EPC2: variants seen among roughly 807,000 people sequenced by gnomAD.
The protein encoded by EPC2 is enhancer of polycomb homolog 2.
In EPC2, 14 loss-of-function variants were observed where a neutral mutation model predicts 92.1. That is an observed-to-expected ratio of 0.15 (90% CI 0.10 to 0.24). The LOEUF is 0.24. Ranked by LOEUF, EPC2 falls within the 10% of genes least tolerant of loss-of-function variation. The pLI, the probability that EPC2 is intolerant of heterozygous loss-of-function variation, is 1.00. For missense variants in EPC2, 755 were observed against 971.5 expected (o/e 0.78, Z 2.96); for synonymous variants, 340 against 334.7 (o/e 1.02, Z -0.17).
chr2:148,717,086 C>G (rs1016159753), intron 2 of EPC2, among the ~76,000 whole-genome samples: 1 of 151,900 alleles, frequency 6.6e-6, no homozygotes, highest in African/African-American at 2.4e-5. Context: ...GGTGATATCC[C>G]CCTTATCATT....
intron 2 of EPC2, among the ~76,000 whole-genome samples, chr2:148,710,094 C>T (rs1286562077): frequency 3.3e-5 from 5 of 152,098 alleles, no homozygotes; most frequent in Admixed American, 6.5e-5. Context: ...TTGCAATCTA[C>T]TCATCTGACA....
At chr2:148,694,364 C>T (rs577177903) in intron 2 of EPC2, among the ~76,000 whole-genome samples, 3 of 152,300 alleles carry the variant, frequency 2.0e-5, no homozygotes, top group African/African-American at 7.2e-5. Flanking sequence ...TCTTCATAGT[C>T]ACCCTTAATC....
intron 2 of EPC2, among the ~76,000 whole-genome samples, chr2:148,734,526 G>T (rs1216637040): frequency 4.6e-5 from 7 of 152,012 alleles, no homozygotes; most frequent in Admixed American, 3.3e-4. Flanking sequence ...TTCACTTCTG[G>T]CTAAATTAGA....
chr2:148,759,615 A>C (rs999862225), intron 4 of EPC2, among the ~76,000 whole-genome samples: 6 of 152,040 alleles, frequency 3.9e-5, no homozygotes, highest in Admixed American at 3.3e-4. Flanking sequence ...GAAAATATAT[A>C]TTAAAGTATA....
At chr2:148,647,607 G>T (rs1169275980) in intron 1 of EPC2, among the ~76,000 whole-genome samples, 5 of 144,210 alleles carry the variant, frequency 3.5e-5, no homozygotes, top group Non-Finnish European at 7.5e-5. Flanking sequence ...GCGCCTGGCC[G>T]CGCCTTGCAG....
intron 2 of EPC2, among the ~76,000 whole-genome samples, chr2:148,740,401 T>C (rs1022508005): frequency 6.6e-6 from 1 of 152,050 alleles, no homozygotes; most frequent in Non-Finnish European, 1.5e-5. Flanking sequence ...ATCTCCAAAA[T>C]CTATAATGAT....
intron 2 of EPC2, among the ~76,000 whole-genome samples, chr2:148,740,908 A>G (rs910078323): frequency 6.6e-6 from 1 of 152,152 alleles, no homozygotes; most frequent in Non-Finnish European, 1.5e-5. Context: ...CAAATACAAC[A>G]TCCTTTGTGA....
chr2:148,736,680 ACT>A (rs1682763092), intron 2 of EPC2, among the ~76,000 whole-genome samples: 1 of 152,112 alleles, frequency 6.6e-6, no homozygotes, highest in Admixed American at 6.5e-5. Flanking sequence ...TTCTACAGTT[ACT>A]TTTTTTCCAC....
chr2:148,647,360 TGCAATGGC>T (rs1207724460), intron 1 of EPC2, among the ~76,000 whole-genome samples: 1 of 152,182 alleles, frequency 6.6e-6, no homozygotes, highest in Non-Finnish European at 1.5e-5. Context: ...CAGGCTTGAT[TGCAATGGC>T]GCGATCTCGG....
chr2:148,728,744 A>T (rs7607901), intron 2 of EPC2, among the ~76,000 whole-genome samples: 140,838 of 147,968 alleles, frequency 0.95, 67,202 homozygotes, highest in East Asian at 1. Flanking sequence ...TTTTTTTTTT[A>T]AAAAAAGGCC....
chr2:148,700,493 C>G lies in EPC2; in HGVS notation c.313+10120C>G, dbSNP rs180895755. Reference sequence around the variant, plus strand: ...TTGGAAAGACTCCCCCCCTCCCCCCCGCCCCGCATTGAATTGCCTTTGCTC... The same window carrying G: ...TTGGAAAGACTCCCCCCCTCCCCCCGGCCCCGCATTGAATTGCCTTTGCTC... On this transcript the variant is annotated intron_variant, in intron 2 of 13. Coordinates refer to ENST00000258484, the MANE Select transcript of EPC2 (RefSeq NM_015630.4). Among the ~76,000 whole-genome samples, 14 of 148,220 alleles carry G rather than the reference C, an allele frequency of 9.4e-5. 1 individual carries two copies. In the South Asian group the frequency reaches 2.2e-3, roughly 24 times the overall value.
In EPC2 at chr2:148,745,943, A is replaced by G. The variant is rs192202591; in HGVS notation, c.459+2176A>G. Among the ~76,000 whole-genome samples the G allele has an allele frequency of 5.1e-4, 78 of 152,160 alleles. No homozygotes were observed. The East Asian group carries it at 0.015, about 29-fold the overall frequency. ...AAAACTCCTGTTGTCAAATGCTGTAATTATTTTCAGTCCCAATCTGTTTAT... is the reference window on the plus strand; with the variant it reads ...AAAACTCCTGTTGTCAAATGCTGTAGTTATTTTCAGTCCCAATCTGTTTAT... On this transcript the variant is annotated intron_variant, in intron 3 of 13. Coordinates refer to ENST00000258484, the MANE Select transcript of EPC2 (RefSeq NM_015630.4).
intron 1 of EPC2, among the ~76,000 whole-genome samples, chr2:148,669,938 C>G (rs1286225734): frequency 6.6e-6 from 1 of 152,130 alleles, no homozygotes; most frequent in Admixed American, 6.5e-5. Flanking sequence ...TCTCCAGCCT[C>G]GGGTAGTTTC....
At chr2:148,706,059 A>C (rs1681992426) in intron 2 of EPC2, among the ~76,000 whole-genome samples, 1 of 152,198 alleles carries the variant, frequency 6.6e-6, no homozygotes, top group East Asian at 1.9e-4. Flanking sequence ...TCCTCAAGCT[A>C]AAGGAAGATG....
At chr2:148,651,424 A>G (rs930253918) in intron 1 of EPC2, among the ~76,000 whole-genome samples, 4 of 152,160 alleles carry the variant, frequency 2.6e-5, no homozygotes, top group African/African-American at 9.6e-5. Flanking sequence ...CTTCAGCACT[A>G]AAAACCGTTT....
At chr2:148,661,412 C>G (rs1377292209) in intron 1 of EPC2, among the ~76,000 whole-genome samples, 1 of 152,032 alleles carries the variant, frequency 6.6e-6, no homozygotes, top group East Asian at 1.9e-4. Flanking sequence ...TCCTAGTTTT[C>G]TCTGATTCTC....
At chr2:148,739,308 T>C (rs1032263181) in intron 2 of EPC2, among the ~76,000 whole-genome samples, 1 of 152,086 alleles carries the variant, frequency 6.6e-6, no homozygotes, top group African/African-American at 2.4e-5. Flanking sequence ...ATGTGCCACA[T>C]TGAATTGCAT....
intron 2 of EPC2, among the ~76,000 whole-genome samples, chr2:148,696,737 A>G (rs573429443): frequency 1.1e-3 from 172 of 152,298 alleles, no homozygotes; most frequent in African/African-American, 4.0e-3. Context: ...CAGCATATTC[A>G]CCTAGCAACT....
intron 1 of EPC2, among the ~76,000 whole-genome samples, chr2:148,674,024 G>A (rs935365636): frequency 6.6e-6 from 1 of 152,014 alleles, no homozygotes; most frequent in South Asian, 2.1e-4. Flanking sequence ...GCTTTATTGG[G>A]CTGTTTGCCT....
Sources: gnomAD v4.1 joint callset for allele counts (sites outside exome capture counted in the v4.1 genomes callset) on GRCh38, gnomAD v4.1.1 for gene constraint, MANE v1.5 for transcripts, NCBI Gene and HGNC (gene_info 2026-07-23, HGNC 2026-07-21) for gene names.